The following CCDC60 variants were observed in gnomAD, a reference collection of about 807,000 sequenced individuals.
CCDC60 encodes coiled-coil domain containing 60.
A neutral mutation model predicts 63.5 loss-of-function variants in CCDC60; 54 were observed. The ratio of observed to expected loss-of-function variants is 0.85; its 90% CI spans 0.68 to 1.07. The LOEUF (loss-of-function observed/expected upper bound fraction) is 1.07, where lower values mean the gene tolerates loss of function less well. CCDC60 is among the 50% of genes least tolerant of loss of function. The pLI is 0.00. For missense variants in CCDC60, 651 were observed against 684.3 expected (o/e 0.95, Z 0.54); for synonymous variants, 206 against 238.8 (o/e 0.86, Z 1.27).
At chr12:119,517,322 A>G (rs1252294700) in intron 8 of CCDC60, among the ~76,000 whole-genome samples, 1 of 152,038 alleles carries the variant, frequency 6.6e-6, no homozygotes, top group Non-Finnish European at 1.5e-5. Context: ...TCCAAAAACC[A>G]TTCTCTTTGC....
chr12:119,451,590 A>G (rs1457045810), intron 2 of CCDC60, among the ~76,000 whole-genome samples: 2 of 152,188 alleles, frequency 1.3e-5, no homozygotes, highest in East Asian at 3.9e-4. Context: ...ATGCCAAGCC[A>G]TGGACATCAG....
Position 119,384,965 on chromosome 12 carries a change from C to T in CCDC60, c.91-43718C>T, listed in dbSNP as rs190785212. Among the ~76,000 whole-genome samples the T allele has an allele frequency of 6.0e-4, 91 of 152,374 alleles. No homozygotes were observed. The South Asian group carries it at 0.012, about 20-fold the overall frequency. Reference sequence around the variant, plus strand: ...GGGGGCTGATATCCAGCCCTTGCTTCACTGGCGAAACCATGTGCCCTGGCA... The same window carrying T: ...GGGGGCTGATATCCAGCCCTTGCTTTACTGGCGAAACCATGTGCCCTGGCA... On this transcript the variant is annotated intron_variant, in intron 1 of 13. Transcript: ENST00000327554.
At chr12:119,394,965 G>T (rs1372823024) in intron 1 of CCDC60, among the ~76,000 whole-genome samples, 1 of 152,220 alleles carries the variant, frequency 6.6e-6, no homozygotes, top group Non-Finnish European at 1.5e-5. Flanking sequence ...TGAAGAAGGG[G>T]GTGCTTACGA....
chr12:119,417,318 C>T (rs1022381689), intron 1 of CCDC60, among the ~76,000 whole-genome samples: 21 of 152,196 alleles, frequency 1.4e-4, no homozygotes, highest in Admixed American at 5.2e-4. Context: ...CGATTTGGTC[C>T]CAAACTTCAG....
intron 1 of CCDC60, among the ~76,000 whole-genome samples, chr12:119,384,900 G>A (rs930479577): frequency 2.6e-5 from 4 of 152,218 alleles, no homozygotes; most frequent in Non-Finnish European, 5.9e-5. Context: ...GTGTTTTGTG[G>A]GTTGAGTTCT....
intron 5 of CCDC60, among the ~76,000 whole-genome samples, chr12:119,490,985 C>T (rs1951567991): frequency 6.6e-6 from 1 of 152,228 alleles, no homozygotes; most frequent in Non-Finnish European, 1.5e-5. Flanking sequence ...CTGAAATCCC[C>T]TTCTTAAAGA....
chr12:119,505,209 GCCC>G lies in CCDC60; in HGVS notation c.792_794del (p.Pro265del). On this transcript the variant is annotated inframe_deletion, in exon 7 of 14. Coordinates refer to ENST00000327554, the MANE Select transcript of CCDC60 (RefSeq NM_178499.5). The stretch of plus-strand genomic sequence containing the variant: ...TCTCTGTGAACCCTGGCTCGGATGA[GCCC>G]CCAAGTGTGAACACCCAGGTGACCA... The G allele has an allele frequency of 6.2e-7, 1 of 1,614,034 alleles. No individual in the cohort carries two copies. Among genetic ancestry groups the G allele is most frequent in the Non-Finnish European group, 8.5e-7 (1 of 1,180,036 alleles).
At chr12:119,360,166 AC>A (rs1199688450) in intron 1 of CCDC60, among the ~76,000 whole-genome samples, 2,927 of 107,116 alleles carry the variant, frequency 0.027, 67 homozygotes, top group African/African-American at 0.097. Flanking sequence ...CGGGGGGCTG[AC>A]CCCCCCCCAC....
chr12:119,360,867 ACT>A (rs965892500), intron 1 of CCDC60, among the ~76,000 whole-genome samples: 4 of 151,884 alleles, frequency 2.6e-5, no homozygotes, highest in South Asian at 2.1e-4. Context: ...AGTGAACCAG[ACT>A]CTGTCTGCAA....
At chr12:119,349,737 A>G (rs1955635830) in intron 1 of CCDC60, among the ~76,000 whole-genome samples, 1 of 152,142 alleles carries the variant, frequency 6.6e-6, no homozygotes, top group African/African-American at 2.4e-5. Flanking sequence ...CATCCCCTCC[A>G]AGAACCCTGT....
intron 5 of CCDC60, among the ~76,000 whole-genome samples, chr12:119,499,344 AAATACAAAATTAC>A (rs1450466081): frequency 3.3e-5 from 5 of 152,194 alleles, no homozygotes; most frequent in African/African-American, 1.2e-4. Flanking sequence ...TAAGAAAAAA[AAATACAAAATTAC>A]AATACAAAAT....
At chr12:119,432,240 G>A (rs1950241327) in intron 2 of CCDC60, among the ~76,000 whole-genome samples, 1 of 152,226 alleles carries the variant, frequency 6.6e-6, no homozygotes, top group African/African-American at 2.4e-5. Context: ...AGAGCCATCT[G>A]AGTAGGGACA....
At chr12:119,438,869 G>C (rs1186308191) in intron 2 of CCDC60, among the ~76,000 whole-genome samples, 1 of 151,988 alleles carries the variant, frequency 6.6e-6, no homozygotes, top group Non-Finnish European at 1.5e-5. Flanking sequence ...AGGGATTTTT[G>C]TGTCTGAATA....
chr12:119,469,723 G>A (rs1408800852), intron 2 of CCDC60, among the ~76,000 whole-genome samples: 1 of 152,214 alleles, frequency 6.6e-6, no homozygotes, highest in African/African-American at 2.4e-5. Flanking sequence ...CAAAGCAACT[G>A]CCACGTAGCT....
chr12:119,494,248 C>T (rs544524347), intron 5 of CCDC60, among the ~76,000 whole-genome samples: 18 of 152,314 alleles, frequency 1.2e-4, no homozygotes, highest in South Asian at 1.0e-3. Flanking sequence ...GCTGCCTCCC[C>T]TACCCCTGTG....
At position 119,428,772 on chromosome 12, in the gene CCDC60, C is replaced by G; in HGVS notation, c.170+10C>G. 6.4e-7 allele frequency: 1 copy of G among 1,561,530 alleles called. No homozygotes were observed. The highest frequency in any genetic ancestry group is 8.8e-7 in the Non-Finnish European group (1 of 1,139,282). On this transcript the variant is annotated intron_variant, in intron 2 of 13. Transcript: ENST00000327554. ...ACCTTATACGAAGCCGGTGAGTGAGCCCAGCAGGGAATGATCCATAGACAA... is the reference window on the plus strand; with the variant it reads ...ACCTTATACGAAGCCGGTGAGTGAGGCCAGCAGGGAATGATCCATAGACAA...
chr12:119,468,007 G>A (rs1950984526), intron 2 of CCDC60, among the ~76,000 whole-genome samples: 1 of 152,196 alleles, frequency 6.6e-6, no homozygotes, highest in Admixed American at 6.5e-5. Flanking sequence ...AGGCACGGTG[G>A]CTCATGCCTG....
chr12:119,366,349 C>T (rs934890492), intron 1 of CCDC60, among the ~76,000 whole-genome samples: 9 of 152,162 alleles, frequency 5.9e-5, no homozygotes, highest in South Asian at 2.1e-4. Context: ...TCCCAGGTGA[C>T]GGTATTAACG....
chr12:119,483,435 A>G (rs998117015), intron 4 of CCDC60, among the ~76,000 whole-genome samples: 2 of 152,186 alleles, frequency 1.3e-5, no homozygotes, highest in Non-Finnish European at 2.9e-5. Context: ...ATCTTTAAAA[A>G]GGGAAGGGAG....
Sources: gnomAD v4.1 joint callset for allele counts (sites outside exome capture counted in the v4.1 genomes callset) on GRCh38, gnomAD v4.1.1 for gene constraint, MANE v1.5 for transcripts, NCBI Gene and HGNC (gene_info 2026-07-23, HGNC 2026-07-21) for gene names.